Variants in ULK2 observed in about 807,000 individuals in gnomAD.
ULK2 encodes the protein serine/threonine-protein kinase ULK2.
A neutral mutation model predicts 127.5 loss-of-function variants in ULK2; 76 were observed. That is an observed-to-expected ratio of 0.60 (90% CI 0.50 to 0.72). ULK2 has a LOEUF of 0.72. ULK2 is among the 30% of genes least tolerant of loss of function. The probability of loss-of-function intolerance (pLI) is 0.00; values close to 1 mark genes in which losing one functional copy is unlikely to be tolerated. For missense variants in ULK2, 1,144 were observed against 1,295.9 expected (o/e 0.88, Z 1.80); for synonymous variants, 452 against 461.9 (o/e 0.98, Z 0.28).
Position 19,825,146 on chromosome 17 carries a change from A to AT in ULK2, c.871_872insA (p.Val291AspfsTer52). The AT allele has an allele frequency of 6.2e-7, 1 of 1,614,216 alleles. No homozygotes were observed. The highest frequency in any genetic ancestry group is 8.5e-7 in the Non-Finnish European group (1 of 1,180,036). On this transcript the variant is annotated frameshift_variant, in exon 12 of 27. Coordinates refer to ENST00000395544, the MANE Select transcript of ULK2 (RefSeq NM_014683.4). LOFTEE classifies it high-confidence loss of function. Reference sequence around the variant, plus strand: ...AGAGCTGCCACAGGAGCTTCCAGAGACAGAACCAGAATACATGGGCACTGG... The same window carrying AT: ...AGAGCTGCCACAGGAGCTTCCAGAGATCAGAACCAGAATACATGGGCACTGG...
intron 22 of ULK2, among the ~76,000 whole-genome samples, chr17:19,782,771 C>G (rs1354813800): frequency 6.6e-6 from 1 of 152,094 alleles, no homozygotes; most frequent in East Asian, 1.9e-4. Flanking sequence ...CAAAAATTAG[C>G]TGGGCGTGGT....
At chr17:19,783,437 G>GAA in intron 22 of ULK2, among the ~76,000 whole-genome samples, 1 of 152,090 alleles carries the variant, frequency 6.6e-6, no homozygotes. Flanking sequence ...GGGTGACAGA[G>GAA]CAAGACTCTG....
intron 12 of ULK2, among the ~76,000 whole-genome samples, chr17:19,822,505 G>A (rs2041176751): frequency 6.6e-6 from 1 of 151,258 alleles, no homozygotes; most frequent in Admixed American, 6.6e-5. Context: ...GGGATTACAG[G>A]TGCACGCCGC....
chr17:19,793,767 T>G (rs1400859153), intron 20 of ULK2, among the ~76,000 whole-genome samples: 1 of 152,166 alleles, frequency 6.6e-6, no homozygotes, highest in Non-Finnish European at 1.5e-5. Flanking sequence ...AAAGGCCTAT[T>G]TAACTCAGTT....
At chr17:19,844,811 C>T (rs529344022) in intron 7 of ULK2, among the ~76,000 whole-genome samples, 8 of 152,044 alleles carry the variant, frequency 5.3e-5, no homozygotes, top group Non-Finnish European at 1.2e-4. Flanking sequence ...ATAGCCTAAC[C>T]CTATAATACA....
chr17:19,794,805 A>C (rs184408809), intron 20 of ULK2, among the ~76,000 whole-genome samples: 1 of 152,148 alleles, frequency 6.6e-6, no homozygotes, highest in East Asian at 1.9e-4. Flanking sequence ...TGTATTACAC[A>C]TGTTGATTCC....
chr17:19,804,135 C>A (rs1178589821), intron 15 of ULK2, among the ~76,000 whole-genome samples: 2 of 151,828 alleles, frequency 1.3e-5, no homozygotes, highest in Non-Finnish European at 2.9e-5. Flanking sequence ...GTAATCCCAG[C>A]ACTTTGAGAG....
At chr17:19,781,533 T>C (rs2086920177) in intron 23 of ULK2, among the ~76,000 whole-genome samples, 2 of 152,154 alleles carry the variant, frequency 1.3e-5, no homozygotes, top group African/African-American at 4.8e-5. Flanking sequence ...CATATAGGCA[T>C]AAGCTACTGC....
At chr17:19,786,708 C>T (rs1225988520) in intron 20 of ULK2, among the ~76,000 whole-genome samples, 5 of 37,550 alleles carry the variant, frequency 1.3e-4, no homozygotes, top group African/African-American at 2.5e-4. Context: ...AGTGAGGCTC[C>T]GTCTCAAAAA....
chr17:19,819,429 G>A (rs921991391), intron 12 of ULK2, among the ~76,000 whole-genome samples: 3 of 152,118 alleles, frequency 2.0e-5, no homozygotes, highest in African/African-American at 4.8e-5. Context: ...GGAGGAGAAG[G>A]AGAAGAGTAG....
At chr17:19,812,755 A>T (rs927736557) in intron 13 of ULK2, among the ~76,000 whole-genome samples, 3 of 152,252 alleles carry the variant, frequency 2.0e-5, no homozygotes, top group African/African-American at 7.2e-5. Flanking sequence ...AAAAATTGTA[A>T]GCCAGTGACT....
chr17:19,811,973 CA>C (rs1347670044), intron 13 of ULK2, among the ~76,000 whole-genome samples: 1 of 152,134 alleles, frequency 6.6e-6, no homozygotes, highest in Non-Finnish European at 1.5e-5. Flanking sequence ...CCTAAACTCA[CA>C]AGGACAAAAA....
At chr17:19,786,920 T>A (rs532848664) in intron 20 of ULK2, among the ~76,000 whole-genome samples, 9 of 152,136 alleles carry the variant, frequency 5.9e-5, no homozygotes, top group Admixed American at 2.0e-4. Context: ...TGTTAACTGA[T>A]TTTAAAAAGC....
In ULK2 at chr17:19,841,143, G is replaced by A. The variant is rs955470863; in HGVS notation, c.704+346C>T. On this transcript the variant is annotated intron_variant, in intron 9 of 26. Transcript: ENST00000395544. ...ACACCCAAAAAACTATGAAGACAGAGACACAGCAAACTCTTGTTACCCCTA... is the reference window on the plus strand; with the variant it reads ...ACACCCAAAAAACTATGAAGACAGAAACACAGCAAACTCTTGTTACCCCTA... Among the ~76,000 whole-genome samples, 5 of 152,084 alleles carry A rather than the reference G, an allele frequency of 3.3e-5. No individual in the cohort carries two copies. In the South Asian group the frequency reaches 1.0e-3, roughly 32 times the overall value.
intron 12 of ULK2, among the ~76,000 whole-genome samples, chr17:19,824,874 G>A (rs952170429): frequency 6.6e-6 from 1 of 152,220 alleles, no homozygotes; most frequent in Non-Finnish European, 1.5e-5. Context: ...AAATGGCCCA[G>A]AGAGGTGACA....
intron 5 of ULK2, 53 bp from the exon 6 acceptor site, chr17:19,846,963 CT>C (rs2041898709): frequency 6.6e-7 from 1 of 1,507,242 alleles, no homozygotes; most frequent in Admixed American, 2.1e-5. Flanking sequence ...CAAATACCAT[CT>C]GCATATTCCA....
At chr17:19,851,692 G>C (rs1045926079) in intron 3 of ULK2, among the ~76,000 whole-genome samples, 1 of 151,884 alleles carries the variant, frequency 6.6e-6, no homozygotes, top group South Asian at 2.1e-4. Context: ...ACACAAAACA[G>C]TTTCTTCTTC....
chr17:19,854,648 T>A (rs559436434), intron 3 of ULK2, among the ~76,000 whole-genome samples: 2 of 152,070 alleles, frequency 1.3e-5, no homozygotes, highest in South Asian at 4.2e-4. Context: ...GTTCCAGAGA[T>A]CAAAAATATA....
At position 19,796,292 on chromosome 17, in the gene ULK2, CATAT is replaced by C. The variant is rs10587010; in HGVS notation, c.1810-14_1810-11del. The stretch of plus-strand genomic sequence containing the variant: ...TGAAAGGAGCTGTGGTCTAAAGAGA[CATAT>C]ATATATATATATATGTAAACTAGTT... On this transcript the variant is annotated splice_polypyrimidine_tract_variant and intron_variant, in intron 18 of 26. Coordinates refer to ENST00000395544, the MANE Select transcript of ULK2 (RefSeq NM_014683.4). 0.016 allele frequency: 16,387 copies of C among 998,696 alleles called. 4 individuals carry two copies. The highest frequency in any genetic ancestry group is 0.026 in the Admixed American group (940 of 36,454). 61.9% of individuals were successfully genotyped at this position (998,696 alleles called of 1,614,324 possible). A position where few individuals can be genotyped will look rare whatever the true frequency, so the allele number is the denominator to read the frequency against.
Sources: allele counts gnomAD v4.1 joint callset (sites outside exome capture counted in the v4.1 genomes callset), GRCh38; gene constraint gnomAD v4.1.1; transcripts MANE v1.5; gene names NCBI Gene and HGNC (gene_info 2026-07-23, HGNC 2026-07-21).